Variants in CIZ1 observed in about 807,000 individuals in gnomAD.
CIZ1 encodes the protein cip1-interacting zinc finger protein.
Under a neutral mutation model 118.6 loss-of-function variants are expected in CIZ1, and 58 were observed. That is an observed-to-expected ratio of 0.49 (90% confidence interval 0.40 to 0.61). CIZ1 has a LOEUF of 0.61. CIZ1 is among the 20% of genes least tolerant of loss of function. The pLI is 0.00. For synonymous variants in CIZ1, 448 were observed against 443.4 expected (o/e 1.01, Z -0.13); for missense variants, 921 against 1,115.9 (o/e 0.83, Z 2.49).
chr9:128,169,610 C>T (rs536284275), intron 12 of CIZ1, 91 bp from the exon 13 acceptor site: 311 of 1,567,392 alleles, frequency 2.0e-4, no homozygotes, highest in Non-Finnish European at 2.6e-4. Context: ...TCACCTCCCC[C>T]GGGCAGGCCC....
chr9:128,199,110 G>C (rs577598790), intron 1 of CIZ1, among the ~76,000 whole-genome samples: 1 of 152,066 alleles, frequency 6.6e-6, no homozygotes, highest in Non-Finnish European at 1.5e-5. Flanking sequence ...GCTCACGCCT[G>C]TAATCCCAGC....
rs1188796034 is a variant in CIZ1, at chr9:128,166,223, G to A, written c.2671C>T (p.Arg891Trp). Residue 891 changes from arginine to tryptophan, a missense_variant, in exon 17 of 17, where the codon CGG (arginine) becomes TGG (tryptophan). Coordinates refer to ENST00000372938, the MANE Select transcript of CIZ1 (RefSeq NM_001131016.2). This position sits in a 1 kb window ranked among gnomAD's most constrained non-coding sequence, Gnocchi z 4.4. ...TARPSQPPLPRRSTRLKT is the reference protein window; with the variant it reads ...TARPSQPPLPWRSTRLKT ...CAGGTTTTGAGGCGGGTTGAGCGCC[G>A]AGGTAGTGGGGGCTGGGAGGGTCGA... 10 of 1,496,850 alleles carry A rather than the reference G, an allele frequency of 6.7e-6. No homozygotes were observed. Among genetic ancestry groups the A allele is most frequent in the East Asian group, 2.4e-5 (1 of 41,698 alleles). 92.7% of individuals were successfully genotyped at this position (1,496,850 alleles called of 1,614,324 possible).
At chr9:128,169,730 A>G (rs922759061) in intron 12 of CIZ1, 26 of 1,529,714 alleles carry the variant, frequency 1.7e-5, no homozygotes, top group Non-Finnish European at 2.1e-5. Context: ...ATGGCAACAC[A>G]GAGACAGGAC....
chr9:128,176,463 G>C lies in CIZ1; in HGVS notation c.1831C>G (p.His611Asp). 6.2e-7 allele frequency: 1 copy of C among 1,613,318 alleles called. No homozygotes were observed. Among genetic ancestry groups the C allele is most frequent in the Non-Finnish European group, 8.5e-7 (1 of 1,179,916 alleles). The change falls in exon 11 of 17, where the codon CAC becomes GAC. Residue 611 changes from histidine (H) to aspartate (D), a missense_variant. Transcript: ENST00000372938. ...SCSSQQEFQD[H>D]MSEPQHQQRL... ...TGCTGGTGCTGAGGCTCCGACATGT[G>C]GTCCTGGAACTCCTGCAGCAGGAGG...
intron 2 of CIZ1, 108 bp from the exon 3 acceptor site, chr9:128,190,552 A>G: frequency 1.5e-6 from 2 of 1,349,680 alleles, no homozygotes; most frequent in Admixed American, 4.0e-5. Context: ...TAGACAGAGG[A>G]CCCCTTGGGG....
chr9:128,167,602 G>A (rs141665463), intron 14 of CIZ1: 28 of 174,676 alleles, frequency 1.6e-4, no homozygotes, highest in East Asian at 8.8e-4. Context: ...GGTCTAAGCC[G>A]TAGTTCACAC....
intron 11 of CIZ1, among the ~76,000 whole-genome samples, chr9:128,173,839 T>C (rs1332968858): frequency 2.0e-5 from 3 of 151,808 alleles, no homozygotes; most frequent in Non-Finnish European, 4.4e-5. Flanking sequence ...ACCCTGTCTC[T>C]ACTAAAAATA....
At chr9:128,181,816 G>T (rs1372605174) in intron 5 of CIZ1, among the ~76,000 whole-genome samples, 2 of 150,384 alleles carry the variant, frequency 1.3e-5, no homozygotes, top group African/African-American at 5.0e-5. Flanking sequence ...AGAAGACTCT[G>T]CTCCTCCACC....
At chr9:128,169,913 T>C (rs1829926343) in intron 12 of CIZ1, 107 bp downstream of exon 12, 4 of 1,120,048 alleles carry the variant, frequency 3.6e-6, no homozygotes, top group African/African-American at 1.6e-5. Context: ...GTTATGGGTG[T>C]GCAGGGGCAA....
chr9:128,192,666 C>T (rs10987920), upstream of CIZ1, among the ~76,000 whole-genome samples: 15 of 152,194 alleles, frequency 9.9e-5, no homozygotes, highest in Non-Finnish European at 2.1e-4. Flanking sequence ...CCTCAGCTTC[C>T]AGAATACCTG....
rs536284275 is a variant in CIZ1, at chr9:128,169,610, C to G, written c.2032-91G>C. On this transcript the variant is annotated intron_variant, in intron 12 of 16. Transcript: ENST00000372938. Reference sequence around the variant, plus strand: ...GGGCCCAGCAAGAGCTCACCTCCCCCGGGCAGGCCCACCATATCTGTAACA... The same window carrying G: ...GGGCCCAGCAAGAGCTCACCTCCCCGGGGCAGGCCCACCATATCTGTAACA... 44 of 1,567,392 alleles carry G rather than the reference C, an allele frequency of 2.8e-5. 1 individual carries two copies. In the South Asian group the frequency reaches 4.8e-4, roughly 17 times the overall value.
rs1829505969 is a variant in CIZ1, at chr9:128,166,948, G to A, written c.2366-68C>T. 1.9e-6 allele frequency: 3 copies of A among 1,612,526 alleles called. No individual in the cohort carries two copies. The South Asian group carries it at 3.3e-5, about 18-fold the overall frequency. ...CAGCGAGGTGTCCCTCCCTCTCTAGGGGCCCATGTGCTCCCCAACCCTCTA... is the reference window on the plus strand; with the variant it reads ...CAGCGAGGTGTCCCTCCCTCTCTAGAGGCCCATGTGCTCCCCAACCCTCTA... On this transcript the variant is annotated intron_variant, in intron 15 of 16. Transcript: ENST00000372938. This position sits in a 1 kb window ranked among gnomAD's most constrained non-coding sequence, Gnocchi z 4.4.
Position 128,190,442 on chromosome 9 carries a change from C to G in CIZ1, c.173G>C (p.Gly58Ala). Residue 58 changes from glycine (G) to alanine (A), a missense_variant and splice_region_variant, in exon 3 of 17, where the codon GGG (glycine) becomes GCG (alanine). Transcript: ENST00000372938. ...QAPLPMAVSR[G>A]LPPQQPQQPL... is the part of the protein sequence containing the mutation. ...CTGCTGTGGCTGCTGCGGGGGGAGC[C>G]CCCTGTGTGTTGGGAGGGGGTGTCA... 6.2e-7 allele frequency: 1 copy of G among 1,610,856 alleles called. No homozygotes were observed. Among genetic ancestry groups the G allele is most frequent in the Non-Finnish European group, 8.5e-7 (1 of 1,178,258 alleles).
chr9:128,186,559 G>A (rs1832399719), intron 4 of CIZ1, among the ~76,000 whole-genome samples: 1 of 152,160 alleles, frequency 6.6e-6, no homozygotes, highest in Non-Finnish European at 1.5e-5. Context: ...GCAGCAAACA[G>A]CGATCTTTCG....
At chr9:128,173,168 G>C (rs1216605417) in intron 11 of CIZ1, among the ~76,000 whole-genome samples, 1 of 126,742 alleles carries the variant, frequency 7.9e-6, no homozygotes, top group South Asian at 2.6e-4. Context: ...TTTTTGAGAC[G>C]GAGTCTCGCT....
intron 5 of CIZ1, 99 bp downstream of exon 5, chr9:128,185,448 G>T: frequency 1.4e-6 from 1 of 698,048 alleles, no homozygotes; most frequent in Non-Finnish European, 2.4e-6. Flanking sequence ...TAAAGGGAGT[G>T]TGACCTGTCC....
intron 2 of CIZ1, 82 bp from the exon 3 acceptor site, chr9:128,190,526 C>T: frequency 7.3e-7 from 1 of 1,364,258 alleles, no homozygotes; most frequent in Non-Finnish European, 1.0e-6. Context: ...CCTCCATTCT[C>T]TGCCCCACTC....
At position 128,176,424 on chromosome 9, in the gene CIZ1, T is replaced by C; in HGVS notation, c.1870A>G (p.Ile624Val). The change falls in exon 11 of 17, where the codon ATC (isoleucine) becomes GTC (valine). Residue 624 changes from isoleucine (I) to valine (V), a missense_variant. Ile to Val is a conservative substitution (Grantham distance 29). Transcript: ENST00000372938. ...EPQHQQRLGEIQHMSQACLLS... is the reference protein window; with the variant it reads ...EPQHQQRLGEVQHMSQACLLS... ...AGGCAGGCTTGGCTCATGTGCTGGA[T>C]CTCCCCTAGCCGCTGCTGGTGCTGA... 4 of 1,613,876 alleles carry C rather than the reference T, an allele frequency of 2.5e-6. No individual in the cohort carries two copies. Among genetic ancestry groups the C allele is most frequent in the Non-Finnish European group, 3.4e-6 (4 of 1,179,994 alleles).
At chr9:128,173,081 C>T (rs1207512627) in intron 11 of CIZ1, among the ~76,000 whole-genome samples, 1 of 151,670 alleles carries the variant, frequency 6.6e-6, no homozygotes, top group Non-Finnish European at 1.5e-5. Flanking sequence ...CCTCCCACCT[C>T]AGCCTCCTAA....
Sources: allele counts gnomAD v4.1 joint callset (sites outside exome capture counted in the v4.1 genomes callset), GRCh38; gene constraint gnomAD v4.1.1; non-coding constraint Gnocchi (gnomAD v3.1); transcripts MANE v1.5; gene names NCBI Gene and HGNC (gene_info 2026-07-23, HGNC 2026-07-21).